Variants in ZNF814 observed in about 807,000 individuals in gnomAD.
ZNF814 encodes zinc finger protein 814.
ZNF814 carries 5 observed loss-of-function variants against 7.5 expected under a neutral mutation model. That is an observed-to-expected ratio of 0.67 (90% CI 0.35 to 1.40). The LOEUF is 1.40. Ranked by LOEUF, ZNF814 falls within the 40% of genes most tolerant of loss-of-function variation. The pLI is 0.04. For missense variants in ZNF814, 962 were observed against 1,018.0 expected, an observed-to-expected ratio of 0.94 and a Z score of 0.75; for synonymous variants, 315 against 340.7, an observed-to-expected ratio of 0.92 and a Z score of 0.83.
chr19:57,882,439 G>A (rs2071657151), intron 1 of ZNF814, among the ~76,000 whole-genome samples: 1 of 77,296 alleles, frequency 1.3e-5, no homozygotes, highest in Non-Finnish European at 2.3e-5. Context: ...AGTGGTCACA[G>A]GAGCCTTGGG....
chr19:57,886,284 C>T (rs1483755112), intron 1 of ZNF814, among the ~76,000 whole-genome samples: 8 of 151,982 alleles, frequency 5.3e-5, no homozygotes, highest in Non-Finnish European at 1.2e-4. Flanking sequence ...CCCTCCTTGG[C>T]CCTGGAGTCA....
At chr19:57,900,102 T>C in the ZNF814 span, among the ~76,000 whole-genome samples, 1 of 152,214 alleles carries the variant, frequency 6.6e-6, no homozygotes, top group Non-Finnish European at 1.5e-5. Context: ...GGGCCATTAC[T>C]GTTTTTACTG....
the ZNF814 span, among the ~76,000 whole-genome samples, chr19:57,902,969 C>A: frequency 6.6e-6 from 1 of 152,156 alleles, no homozygotes; most frequent in East Asian, 1.9e-4. Flanking sequence ...GTGAGCCACC[C>A]CGCCAGGCCG....
chr19:57,880,113 A>G (rs1196172703), intron 1 of ZNF814, among the ~76,000 whole-genome samples: 1 of 124,780 alleles, frequency 8.0e-6, no homozygotes, highest in African/African-American at 3.3e-5. Flanking sequence ...AAAAAAGCAA[A>G]AACAAAAAAC....
upstream of ZNF814, among the ~76,000 whole-genome samples, chr19:57,891,478 T>C (rs1009619946): frequency 6.6e-6 from 1 of 150,906 alleles, no homozygotes; most frequent in Non-Finnish European, 1.5e-5. Flanking sequence ...TGAGCCGAGA[T>C]TGCACCACTG....
At chr19:57,894,904 T>C in the ZNF814 span, among the ~76,000 whole-genome samples, 1 of 151,922 alleles carries the variant, frequency 6.6e-6, no homozygotes, top group Non-Finnish European at 1.5e-5. Flanking sequence ...ATACCAAACC[T>C]GAATACGCAA....
chr19:57,885,592 T>G (rs1250933383), intron 1 of ZNF814, among the ~76,000 whole-genome samples: 3 of 145,828 alleles, frequency 2.1e-5, no homozygotes, highest in African/African-American at 7.7e-5. Context: ...ATTGCACCAC[T>G]GCACTACAGC....
chr19:57,892,465 T>A (rs1453004338), upstream of ZNF814, among the ~76,000 whole-genome samples: 1 of 152,194 alleles, frequency 6.6e-6, no homozygotes, highest in Non-Finnish European at 1.5e-5. Flanking sequence ...GAAGATTAGA[T>A]TACTTCCTAA....
At chr19:57,877,237 TAA>T (rs2071614318) in intron 1 of ZNF814, among the ~76,000 whole-genome samples, 195 bp from the exon 2 acceptor site, 1 of 152,044 alleles carries the variant, frequency 6.6e-6, no homozygotes, top group African/African-American at 2.4e-5. Flanking sequence ...GGTTGTGACG[TAA>T]GAGTCCACCC....
the ZNF814 span, among the ~76,000 whole-genome samples, chr19:57,899,849 T>C: frequency 6.6e-6 from 1 of 152,204 alleles, no homozygotes; most frequent in Non-Finnish European, 1.5e-5. Flanking sequence ...CAAATTGCTG[T>C]ACTAATAGGA....
At chr19:57,900,966 C>T in the ZNF814 span, among the ~76,000 whole-genome samples, 1 of 150,726 alleles carries the variant, frequency 6.6e-6, no homozygotes, top group African/African-American at 2.4e-5. Flanking sequence ...CCTGCCTCAG[C>T]CTCCCGAGTA....
rs1310660010 is a variant in ZNF814, at chr19:57,888,985, G to C, written c.-183C>G. ...CTTCTGGGTTCAGTCACCACAGTGC[G>C]GACCTAGCGCTCAGGAGCCTCTCCT... On this transcript the variant is annotated 5_prime_UTR_variant, in exon 1 of 3. Coordinates refer to ENST00000435989, the MANE Select transcript of ZNF814 (RefSeq NM_001144989.2). The C allele has an allele frequency of 2.1e-5, 13 of 628,038 alleles. No homozygotes were observed. The highest frequency in any genetic ancestry group is 1.4e-4 in the East Asian group (5 of 36,042). The allele number at this position is 628,038 out of a possible 1,614,324, so 38.9% of individuals were successfully genotyped here.
At chr19:57,893,170 ATT>A (rs760411389), upstream of ZNF814, among the ~76,000 whole-genome samples, 130 of 125,174 alleles carry the variant, frequency 1.0e-3, 1 homozygote, top group African/African-American at 2.7e-3. Flanking sequence ...TTTGTTATTG[ATT>A]TTTTTTTTTT....
intron 1 of ZNF814, among the ~76,000 whole-genome samples, chr19:57,877,981 A>C (rs1416565023): frequency 6.6e-6 from 1 of 151,924 alleles, no homozygotes; most frequent in Non-Finnish European, 1.5e-5. Flanking sequence ...CCTGGTTAAC[A>C]ATGTGCAACT....
chr19:57,872,507 G>T lies in ZNF814; in HGVS notation c.*315C>A. The T allele has an allele frequency of 1.7e-6, 1 of 583,082 alleles. No homozygotes were observed. The highest frequency in any genetic ancestry group is 3.2e-5 in the Admixed American group (1 of 31,044). 36.1% of individuals were successfully genotyped at this position (583,082 alleles called of 1,614,324 possible). On this transcript the variant is annotated 3_prime_UTR_variant, in exon 3 of 3. Transcript: ENST00000435989. Reference sequence around the variant, plus strand: ...CAAATGTATTTTATTTGTCTAGTGTGAACTCTCTGATATTCAAGGAGAAAA... The same window carrying T: ...CAAATGTATTTTATTTGTCTAGTGTTAACTCTCTGATATTCAAGGAGAAAA...
In ZNF814 at chr19:57,873,807, G is replaced by A. The variant is rs201087974; in HGVS notation, c.1583C>T (p.Ser528Leu). ...RPYECGECGK[S>L]FSSKGHLRNH... ...CCTAAGATGTCCTTTTGAACTAAAT[G>A]ATTTCCCACATTCTCCACACTCATA... is the stretch of plus-strand genomic sequence containing the variant. Residue 528 changes from serine (S) to leucine (L), a missense_variant, in exon 3 of 3, where the codon TCA (serine) becomes TTA (leucine). This residue lies in a region of ZNF814 where 665 missense variants were observed against 551.4 expected (regional missense o/e 1.21). Transcript: ENST00000435989. 207 of 1,613,984 alleles carry A rather than the reference G, an allele frequency of 1.3e-4. No individual in the cohort carries two copies. In the South Asian group the frequency reaches 2.1e-3, roughly 17 times the overall value.
chr19:57,885,683 TCTAGAAAAAGAGAATAAGAC>T (rs2071685933), intron 1 of ZNF814, among the ~76,000 whole-genome samples: 1 of 142,104 alleles, frequency 7.0e-6, no homozygotes, highest in Non-Finnish European at 1.5e-5. Flanking sequence ...GAGAATAAGA[TCTAGAAAAAGAGAATAAGAC>T]CTAGAAAAAG....
In ZNF814 at chr19:57,872,807, T is replaced by C; in HGVS notation, c.*15A>G. 3 of 1,607,582 alleles carry C rather than the reference T, an allele frequency of 1.9e-6. No homozygotes were observed. Among genetic ancestry groups the C allele is most frequent in the Non-Finnish European group, 2.6e-6 (3 of 1,176,240 alleles). ...GTGGTCCTTCTTGCTAAAAACTTTC[T>C]GACAATCCTCACACTCATATGGCTT... On this transcript the variant is annotated 3_prime_UTR_variant, in exon 3 of 3. Transcript: ENST00000435989.
In ZNF814 at chr19:57,872,985, C is replaced by A. The variant is rs768426043; in HGVS notation, c.2405G>T (p.Cys802Phe). Residue 802 changes from cysteine to phenylalanine, a missense_variant, in exon 3 of 3, where the codon TGC becomes TTC. Coordinates refer to ENST00000435989, the MANE Select transcript of ZNF814 (RefSeq NM_001144989.2). ...AGCAAAAGATTTTCCACATTCACTG[C>A]ACTCATAAGGCTTTTCTCCAGTGTG... ...RVHTGEKPYECSECGKSFAES... is the reference protein window; with the variant it reads ...RVHTGEKPYEFSECGKSFAES... 2.5e-6 allele frequency: 4 copies of A among 1,613,870 alleles called. No homozygotes were observed. Among genetic ancestry groups the A allele is most frequent in the Non-Finnish European group, 3.4e-6 (4 of 1,179,910 alleles).
Sources: allele counts gnomAD v4.1 joint callset (sites outside exome capture counted in the v4.1 genomes callset), GRCh38; gene constraint gnomAD v4.1.1; regional missense constraint gnomAD v4.1.1; transcripts MANE v1.5; gene names NCBI Gene and HGNC (gene_info 2026-07-23, HGNC 2026-07-21).